BRINP3: variants seen among roughly 807,000 people sequenced by gnomAD.
BRINP3 encodes the protein BMP/retinoic acid-inducible neural-specific protein 3.
In BRINP3, 19 loss-of-function variants were observed where a neutral mutation model predicts 71.0. The observed-to-expected ratio is 0.27, with a 90% CI of 0.19 to 0.39. The LOEUF (loss-of-function observed/expected upper bound fraction) is 0.39. Among genes scored for constraint, BRINP3 ranks in the 10% least tolerant of loss-of-function variants. BRINP3 has a pLI of 1.00. For synonymous variants in BRINP3, 380 were observed against 337.7 expected (o/e 1.13, Z -1.37); for missense variants, 959 against 940.8 (o/e 1.02, Z -0.25).
chr1:190,406,168 T>C (rs1217574441), intron 2 of BRINP3, among the ~76,000 whole-genome samples: 1 of 152,250 alleles, frequency 6.6e-6, no homozygotes, highest in Non-Finnish European at 1.5e-5. Flanking sequence ...TACAGCAGTG[T>C]AAATGTAGTG....
intron 3 of BRINP3, among the ~76,000 whole-genome samples, chr1:190,277,704 T>C (rs1301553898): frequency 6.6e-6 from 1 of 151,782 alleles, no homozygotes; most frequent in Admixed American, 6.6e-5. Flanking sequence ...TTAGTATTTG[T>C]CATATATTGA....
chr1:190,328,083 A>G (rs1319132424), intron 2 of BRINP3, among the ~76,000 whole-genome samples: 1 of 152,116 alleles, frequency 6.6e-6, no homozygotes, highest in East Asian at 1.9e-4. Flanking sequence ...AGTTTTTAGC[A>G]CTAAATGCCT....
chr1:190,223,971 C>A (rs1026928667), intron 6 of BRINP3, among the ~76,000 whole-genome samples: 3 of 151,558 alleles, frequency 2.0e-5, no homozygotes, highest in African/African-American at 7.3e-5. Flanking sequence ...CTATGAAATT[C>A]TTATGCAAAA....
chr1:190,436,106 C>T (rs1338127107), intron 2 of BRINP3, among the ~76,000 whole-genome samples: 1 of 151,848 alleles, frequency 6.6e-6, no homozygotes, highest in African/African-American at 2.4e-5. Flanking sequence ...ACTGGTTCCA[C>T]ATCAATGAGT....
chr1:190,171,670 T>C (rs531022490), intron 6 of BRINP3, among the ~76,000 whole-genome samples: 1 of 152,194 alleles, frequency 6.6e-6, no homozygotes, highest in Non-Finnish European at 1.5e-5. Flanking sequence ...TCACATATTA[T>C]TTAACTATTA....
intron 2 of BRINP3, among the ~76,000 whole-genome samples, chr1:190,429,608 T>TG (rs894540938): frequency 7.0e-6 from 1 of 142,102 alleles, no homozygotes; most frequent in African/African-American, 2.6e-5. Context: ...TTTTTTTTTT[T>TG]GTGAAGGAGT....
chr1:190,121,741 G>A (rs138989856), intron 7 of BRINP3, among the ~76,000 whole-genome samples: 8 of 151,928 alleles, frequency 5.3e-5, no homozygotes, highest in African/African-American at 1.7e-4. Flanking sequence ...GGAAAAGGGA[G>A]GAATAGAAAA....
At chr1:190,189,479 A>G (rs563150707) in intron 6 of BRINP3, among the ~76,000 whole-genome samples, 7 of 151,950 alleles carry the variant, frequency 4.6e-5, no homozygotes, top group Admixed American at 2.0e-4. Context: ...CTCTTACTAT[A>G]TATTTTCAAA....
chr1:190,332,932 A>G (rs993877203), intron 2 of BRINP3, among the ~76,000 whole-genome samples: 1 of 151,778 alleles, frequency 6.6e-6, no homozygotes, highest in African/African-American at 2.4e-5. Context: ...GCATCTATGA[A>G]CCCATATACC....
At chr1:190,416,086 C>T (rs1257816421) in intron 2 of BRINP3, among the ~76,000 whole-genome samples, 1 of 152,094 alleles carries the variant, frequency 6.6e-6, no homozygotes, top group Non-Finnish European at 1.5e-5. Context: ...ACATATGGCA[C>T]ACCACATGAA....
At chr1:190,169,369 G>A (rs1651820903) in intron 6 of BRINP3, among the ~76,000 whole-genome samples, 2 of 152,142 alleles carry the variant, frequency 1.3e-5, no homozygotes, top group South Asian at 4.1e-4. Context: ...TGGCAGATGT[G>A]CCAGCTGCAA....
chr1:190,266,191 C>T (rs1271284485), intron 3 of BRINP3, among the ~76,000 whole-genome samples: 4 of 151,992 alleles, frequency 2.6e-5, no homozygotes, highest in African/African-American at 9.7e-5. Flanking sequence ...AGTATTGTGC[C>T]CATTTATAAA....
At chr1:190,117,065 T>C (rs543100610) in intron 7 of BRINP3, among the ~76,000 whole-genome samples, 1 of 152,192 alleles carries the variant, frequency 6.6e-6, no homozygotes, top group South Asian at 2.1e-4. Context: ...CTTCTCAGCA[T>C]AATGCCTTTG....
chr1:190,143,190 A>C (rs1655604614), intron 7 of BRINP3, among the ~76,000 whole-genome samples: 1 of 152,196 alleles, frequency 6.6e-6, no homozygotes, highest in Non-Finnish European at 1.5e-5. Context: ...ATCTTTCTAA[A>C]GATTTTTGGC....
intron 4 of BRINP3, among the ~76,000 whole-genome samples, chr1:190,251,363 TG>T (rs1197190881): frequency 1.3e-5 from 2 of 152,024 alleles, no homozygotes; most frequent in African/African-American, 2.4e-5. Context: ...AACCTTATGA[TG>T]TAAGTGCTAT....
intron 6 of BRINP3, among the ~76,000 whole-genome samples, chr1:190,203,237 T>C (rs1233119904): frequency 4.6e-5 from 7 of 152,062 alleles, no homozygotes; most frequent in Non-Finnish European, 1.0e-4. Flanking sequence ...TATGACAACA[T>C]AGTACTTTAA....
chr1:190,126,373 A>G (rs1654089281), intron 7 of BRINP3, among the ~76,000 whole-genome samples: 1 of 151,916 alleles, frequency 6.6e-6, no homozygotes, highest in Admixed American at 6.6e-5. Flanking sequence ...AGAGAGATCC[A>G]TTCCACATTC....
chr1:190,477,238 G>A (rs1388142754), intron 1 of BRINP3, among the ~76,000 whole-genome samples: 1 of 152,080 alleles, frequency 6.6e-6, no homozygotes. Context: ...AGATATTGGG[G>A]TAATACATGG....
intron 6 of BRINP3, among the ~76,000 whole-genome samples, chr1:190,172,048 C>T (rs1011430981): frequency 6.6e-6 from 1 of 150,664 alleles, no homozygotes; most frequent in African/African-American, 2.4e-5. Flanking sequence ...TTACAGTGAG[C>T]TATGATTGCA....
Sources: gnomAD v4.1 joint callset for allele counts (sites outside exome capture counted in the v4.1 genomes callset) on GRCh38, gnomAD v4.1.1 for gene constraint, MANE v1.5 for transcripts, NCBI Gene and HGNC (gene_info 2026-07-23, HGNC 2026-07-21) for gene names.